Variants in IFNGR1 observed in about 807,000 individuals in gnomAD.
IFNGR1 encodes AVP, type 2.
In IFNGR1, 23 loss-of-function variants were observed where a neutral mutation model predicts 35.4. That is an observed-to-expected ratio of 0.65 (90% confidence interval 0.47 to 0.92). IFNGR1 has a LOEUF of 0.92. Ranked by LOEUF, IFNGR1 falls within the 40% of genes least tolerant of loss-of-function variation. The pLI is 0.00. For synonymous variants in IFNGR1, 199 were observed against 209.5 expected, an observed-to-expected ratio of 0.95 and a Z score of 0.43; for missense variants, 533 against 583.4, an observed-to-expected ratio of 0.91 and a Z score of 0.89.
chr6:137,198,337 T>G lies in IFNGR1; in HGVS notation c.1164A>C (p.Glu388Asp). Reference protein sequence around the residue: ...SSSPLSSNQSEPGSIALNSYH... With the variant: ...SSSPLSSNQSDPGSIALNSYH... Reference sequence around the variant, plus strand: ...ACGAGTTTAAAGCGATGCTGCCAGGTTCAGACTGGTTACTACTTAAAGGTG... The same window carrying G: ...ACGAGTTTAAAGCGATGCTGCCAGGGTCAGACTGGTTACTACTTAAAGGTG... The change falls in exon 7 of 7, where the codon GAA becomes GAC. Residue 388 changes from glutamate (E) to aspartate (D), a missense_variant. Coordinates refer to ENST00000367739, the MANE Select transcript of IFNGR1 (RefSeq NM_000416.3). 1 of 1,613,662 alleles carries G rather than the reference T, an allele frequency of 6.2e-7. No individual in the cohort carries two copies. Among genetic ancestry groups the G allele is most frequent in the Middle Eastern group, 1.6e-4 (1 of 6,062 alleles).
At chr6:137,201,103 A>AT in intron 5 of IFNGR1, 95 bp from the exon 6 acceptor site, 1 of 1,311,158 alleles carries the variant, frequency 7.6e-7, no homozygotes. Flanking sequence ...AGATTTACAA[A>AT]TTAGTGAATA....
chr6:137,201,925 T>C (rs1779287288), intron 5 of IFNGR1, among the ~76,000 whole-genome samples: 2 of 152,100 alleles, frequency 1.3e-5, no homozygotes, highest in South Asian at 2.1e-4. Context: ...AGAATCACCA[T>C]TGTGTACTTT....
At chr6:137,201,043 G>A (rs1280042249) in intron 5 of IFNGR1, 35 bp from the exon 6 acceptor site, 3 of 1,604,304 alleles carry the variant, frequency 1.9e-6, no homozygotes, top group Non-Finnish European at 2.6e-6. Flanking sequence ...TTACAATTAA[G>A]ATGGAATACT....
rs201471898 is a variant in IFNGR1, at chr6:137,203,623, C to T, written c.609G>A (p.Ala203=). 2.8e-4 allele frequency: 454 copies of T among 1,612,028 alleles called. 2 individuals are homozygous for T. The highest frequency in any genetic ancestry group is 1.7e-3 in the Middle Eastern group (10 of 6,056). Residue 203 remains alanine, a synonymous_variant, in exon 5 of 7, where the codon GCG becomes GCA. Coordinates refer to ENST00000367739, the MANE Select transcript of IFNGR1 (RefSeq NM_000416.3). ...DDCDEIQCQL[A]IPVSSLNSQY... Reference sequence around the variant, plus strand: ...GAGAATTCAGTGAGGATACTGGAATCGCTAACTGGCACTGAATCTCGTCAC... The same window carrying T: ...GAGAATTCAGTGAGGATACTGGAATTGCTAACTGGCACTGAATCTCGTCAC...
chr6:137,202,602 T>TACACAC (rs3839519), intron 5 of IFNGR1, among the ~76,000 whole-genome samples: 5,496 of 141,960 alleles, frequency 0.039, 188 homozygotes, highest in East Asian at 0.2. Flanking sequence ...AATATATGTA[T>TACACAC]ACACACACAC....
intron 4 of IFNGR1, 140 bp from the exon 5 acceptor site, chr6:137,203,825 T>C (rs1469897238): frequency 1.3e-5 from 9 of 703,398 alleles, no homozygotes; most frequent in Non-Finnish European, 2.0e-5. Flanking sequence ...AGCTTTACTA[T>C]CAATAAGTCA....
At chr6:137,209,950 G>C in intron 1 of IFNGR1, 1 of 398,546 alleles carries the variant, frequency 2.5e-6, no homozygotes, top group African/African-American at 2.1e-5. Context: ...ATTTCTTCTT[G>C]CCTTCACTCT....
Position 137,198,611 on chromosome 6 carries a change from T to C in IFNGR1, c.890A>G (p.Glu297Gly). The C allele has an allele frequency of 1.2e-6, 2 of 1,613,064 alleles. No homozygotes were observed. Among genetic ancestry groups the C allele is most frequent in the Non-Finnish European group, 1.7e-6 (2 of 1,179,878 alleles). The change falls in exon 7 of 7, where the codon GAG becomes GGG. Residue 297 changes from glutamate to glycine, a missense_variant. Coordinates refer to ENST00000367739, the MANE Select transcript of IFNGR1 (RefSeq NM_000416.3). ...TACATATTTTGATTCAGGTTTTGTC[T>C]CTAAAGTAGCACTTCTTACCACAGA... ...LISVVRSATL[E>G]TKPESKYVSL...
intron 6 of IFNGR1, among the ~76,000 whole-genome samples, chr6:137,199,389 C>T (rs798247): frequency 3.4e-5 from 4 of 116,864 alleles, no homozygotes; most frequent in African/African-American, 6.5e-5. Context: ...ATTTATATTA[C>T]ATAAAATATA....
intron 2 of IFNGR1, chr6:137,206,553 A>T (rs1779434458): frequency 2.3e-6 from 1 of 440,428 alleles, no homozygotes; most frequent in East Asian, 3.9e-5. Flanking sequence ...TTCCACATTC[A>T]ATTTTTTAAA....
intron 1 of IFNGR1, among the ~76,000 whole-genome samples, chr6:137,208,164 G>C (rs1229755222): frequency 6.6e-6 from 1 of 152,192 alleles, no homozygotes; most frequent in Non-Finnish European, 1.5e-5. Flanking sequence ...GTATCTGGTG[G>C]AAGAAATTAC....
chr6:137,201,854 G>C (rs1410754825), intron 5 of IFNGR1, among the ~76,000 whole-genome samples: 1 of 152,142 alleles, frequency 6.6e-6, no homozygotes, highest in Non-Finnish European at 1.5e-5. Flanking sequence ...AGTCCCCTTA[G>C]TTATAAACCA....
chr6:137,199,479 AATT>A (rs1779196997), intron 6 of IFNGR1, among the ~76,000 whole-genome samples: 1 of 103,414 alleles, frequency 9.7e-6, no homozygotes, highest in Non-Finnish European at 1.8e-5. Context: ...TAAAATATAT[AATT>A]TATAATATAT....
chr6:137,198,173 T>C lies in IFNGR1; in HGVS notation c.1328A>G (p.Gln443Arg). ...GGCTTTTATTACGGTTATGAGCTCT[T>C]GTCCTTCTGTTTTTATTTCACCTTT... The part of the protein sequence containing the change: ...NNKGEIKTEG[Q>R]ELITVIKAPT... The change falls in exon 7 of 7, where the codon CAA becomes CGA. Residue 443 changes from glutamine (Q) to arginine (R), a missense_variant. Physicochemically the swap from Gln to Arg is conservative, Grantham distance 43. Coordinates refer to ENST00000367739, the MANE Select transcript of IFNGR1 (RefSeq NM_000416.3). 1 of 1,614,210 alleles carries C rather than the reference T, an allele frequency of 6.2e-7. No homozygotes were observed. Among genetic ancestry groups the C allele is most frequent in the Non-Finnish European group, 8.5e-7 (1 of 1,180,034 alleles).
At chr6:137,219,146 C>A in intron 1 of IFNGR1, 97 bp downstream of exon 1, 1 of 1,487,266 alleles carries the variant, frequency 6.7e-7, no homozygotes, top group South Asian at 1.2e-5. Context: ...CGGGCTAGGG[C>A]GACCTCGGAG....
At chr6:137,200,302 A>C (rs1779247049) in intron 6 of IFNGR1, among the ~76,000 whole-genome samples, 1 of 152,222 alleles carries the variant, frequency 6.6e-6, no homozygotes. Context: ...AATGTTCTTT[A>C]CATCAAAGGC....
At chr6:137,199,980 T>C (rs1779239186) in intron 6 of IFNGR1, among the ~76,000 whole-genome samples, 1 of 152,182 alleles carries the variant, frequency 6.6e-6, no homozygotes, top group Non-Finnish European at 1.5e-5. Flanking sequence ...ACCCACTGTG[T>C]GCTTTTATTC....
chr6:137,207,671 C>G (rs1779472092), intron 1 of IFNGR1, among the ~76,000 whole-genome samples: 1 of 152,142 alleles, frequency 6.6e-6, no homozygotes, highest in South Asian at 2.1e-4. Context: ...TTGCTGCCAC[C>G]ATGTAAGAAG....
intron 1 of IFNGR1, among the ~76,000 whole-genome samples, chr6:137,216,172 G>C (rs1779692868): frequency 6.6e-6 from 1 of 152,164 alleles, no homozygotes; most frequent in Admixed American, 6.5e-5. Context: ...CAAAGAAATA[G>C]TGAAAAATTT....
Sources: gnomAD v4.1 joint callset for allele counts (sites outside exome capture counted in the v4.1 genomes callset) on GRCh38, gnomAD v4.1.1 for gene constraint, MANE v1.5 for transcripts, NCBI Gene and HGNC (gene_info 2026-07-23, HGNC 2026-07-21) for gene names.